Variants in FGGY observed in about 807,000 individuals in gnomAD.
FGGY encodes FGGY carbohydrate kinase domain containing.
FGGY carries 72 observed loss-of-function variants against 71.3 expected under a neutral mutation model. That is an observed-to-expected ratio of 1.01 (90% CI 0.84 to 1.23). The LOEUF is 1.23. Ranked by LOEUF, FGGY falls within the 50% of genes most tolerant of loss-of-function variation. The probability of loss-of-function intolerance (pLI) is 0.00; values close to 1 mark genes in which losing one functional copy is unlikely to be tolerated. For missense variants in FGGY, 668 were observed against 682.3 expected (o/e 0.98, Z 0.23); for synonymous variants, 251 against 250.3 (o/e 1.00, Z -0.02).
At chr1:59,382,045 A>G (rs2059526230) in intron 5 of FGGY, among the ~76,000 whole-genome samples, 1 of 152,162 alleles carries the variant, frequency 6.6e-6, no homozygotes, top group African/African-American at 2.4e-5. Flanking sequence ...AGGTCTTCTC[A>G]TCTTGAAAAA....
chr1:59,587,161 G>A (rs1051398571), intron 8 of FGGY, among the ~76,000 whole-genome samples: 1 of 152,236 alleles, frequency 6.6e-6, no homozygotes, highest in African/African-American at 2.4e-5. Context: ...CTGGCTTGGA[G>A]GGTCCTGCAC....
intron 5 of FGGY, among the ~76,000 whole-genome samples, chr1:59,433,504 C>T (rs1230589822): frequency 5.3e-5 from 8 of 152,182 alleles, no homozygotes; most frequent in Admixed American, 1.3e-4. Context: ...CAGGCCTTCA[C>T]GGGGAATACC....
intron 7 of FGGY, among the ~76,000 whole-genome samples, chr1:59,543,459 GAGAGCCCTCTAACCCTCCCCAGGGAAA>G (rs2095476308): frequency 6.6e-6 from 1 of 152,198 alleles, no homozygotes; most frequent in South Asian, 2.1e-4. Context: ...CTAGAGGTGG[GAGAGCCCTCTAACCCTCCCCAGGGAAA>G]ATCCTAGCCT....
At chr1:59,636,392 T>C (rs2096959440) in intron 10 of FGGY, among the ~76,000 whole-genome samples, 1 of 151,978 alleles carries the variant, frequency 6.6e-6, no homozygotes, top group Non-Finnish European at 1.5e-5. Context: ...GAGGCCGAGG[T>C]GGGCAGATCA....
intron 7 of FGGY, among the ~76,000 whole-genome samples, chr1:59,550,380 G>A (rs1014412995): frequency 6.6e-6 from 1 of 151,878 alleles, no homozygotes. Flanking sequence ...AGCACTGTGT[G>A]GCCAAAGGAA....
intron 12 of FGGY, among the ~76,000 whole-genome samples, chr1:59,662,510 C>G (rs1275192960): frequency 6.6e-6 from 1 of 152,042 alleles, no homozygotes; most frequent in Non-Finnish European, 1.5e-5. Flanking sequence ...ATTTGAACCC[C>G]CAGCATTCTA....
At chr1:59,410,101 T>C (rs967370374) in intron 5 of FGGY, among the ~76,000 whole-genome samples, 2 of 152,196 alleles carry the variant, frequency 1.3e-5, no homozygotes, top group African/African-American at 4.8e-5. Context: ...GAAATAGACA[T>C]GGTAGATATG....
intron 5 of FGGY, among the ~76,000 whole-genome samples, chr1:59,421,278 C>G (rs1571939693): frequency 2.0e-5 from 3 of 152,122 alleles, no homozygotes; most frequent in East Asian, 3.8e-4. Context: ...AGGCATATAT[C>G]AATACAGAAT....
intron 6 of FGGY, among the ~76,000 whole-genome samples, chr1:59,476,885 G>C (rs1452374508): frequency 6.6e-6 from 1 of 152,202 alleles, no homozygotes; most frequent in African/African-American, 2.4e-5. Flanking sequence ...CTGAAGATGT[G>C]ACTGTCCAGT....
intron 14 of FGGY, among the ~76,000 whole-genome samples, chr1:59,680,156 C>T (rs2097481799): frequency 6.6e-6 from 1 of 151,666 alleles, no homozygotes; most frequent in Non-Finnish European, 1.5e-5. Context: ...TCTTATAATC[C>T]TACTTATTTC....
At chr1:59,609,907 C>G (rs2096657935) in intron 9 of FGGY, among the ~76,000 whole-genome samples, 1 of 152,174 alleles carries the variant, frequency 6.6e-6, no homozygotes, top group Non-Finnish European at 1.5e-5. Context: ...GGAGCTCATA[C>G]TTGGATGGGG....
At chr1:59,457,275 T>C (rs2091796817) in intron 6 of FGGY, among the ~76,000 whole-genome samples, 199 bp downstream of exon 6, 1 of 152,154 alleles carries the variant, frequency 6.6e-6, no homozygotes, top group Admixed American at 6.5e-5. Context: ...TTATATGAAC[T>C]GAGTAGAGAT....
At chr1:59,677,634 AGCT>A (rs1378648021) in intron 14 of FGGY, among the ~76,000 whole-genome samples, 1 of 152,180 alleles carries the variant, frequency 6.6e-6, no homozygotes, top group African/African-American at 2.4e-5. Flanking sequence ...ATGGATCCAC[AGCT>A]GTAGATTTTA....
chr1:59,484,413 C>T (rs966608172), intron 6 of FGGY, among the ~76,000 whole-genome samples: 1 of 152,086 alleles, frequency 6.6e-6, no homozygotes, highest in Non-Finnish European at 1.5e-5. Context: ...TTTCCATGGG[C>T]CTTAAAGGAA....
At chr1:59,559,183 C>A (rs1303435238) in intron 8 of FGGY, among the ~76,000 whole-genome samples, 1 of 152,080 alleles carries the variant, frequency 6.6e-6, no homozygotes, top group Non-Finnish European at 1.5e-5. Flanking sequence ...TAAAGACAGG[C>A]ATAAGAAATT....
chr1:59,447,877 C>T (rs767144735), intron 5 of FGGY, among the ~76,000 whole-genome samples: 1 of 152,126 alleles, frequency 6.6e-6, no homozygotes, highest in Non-Finnish European at 1.5e-5. Context: ...ATACATTGGA[C>T]CTTAGTACTT....
intron 14 of FGGY, among the ~76,000 whole-genome samples, chr1:59,728,796 T>C (rs556374366): frequency 6.6e-5 from 10 of 152,228 alleles, no homozygotes; most frequent in African/African-American, 2.4e-4. Flanking sequence ...CTTGCCCCCT[T>C]TGGCTTCTTT....
At chr1:59,443,649 T>TAC (rs1156307339) in intron 5 of FGGY, among the ~76,000 whole-genome samples, 1 of 152,224 alleles carries the variant, frequency 6.6e-6, no homozygotes. Context: ...ACTGTCCTTA[T>TAC]ACACACTGTG....
intron 9 of FGGY, among the ~76,000 whole-genome samples, chr1:59,618,183 G>A (rs1381568722): frequency 6.6e-6 from 1 of 151,956 alleles, no homozygotes; most frequent in African/African-American, 2.4e-5. Context: ...ATTTATTGTA[G>A]GACATAAAAA....
Sources: gnomAD v4.1 joint callset for allele counts (sites outside exome capture counted in the v4.1 genomes callset) on GRCh38, gnomAD v4.1.1 for gene constraint, MANE v1.5 for transcripts, NCBI Gene and HGNC (gene_info 2026-07-23, HGNC 2026-07-21) for gene names.